The following HTT variants were observed in gnomAD, a reference collection of about 807,000 sequenced individuals.
The protein encoded by HTT is huntington disease protein.
Under a neutral mutation model 362.3 loss-of-function variants are expected in HTT, and 104 were observed. The ratio of observed to expected loss-of-function variants is 0.29; its 90% CI spans 0.24 to 0.34. The LOEUF (loss-of-function observed/expected upper bound fraction) is 0.34, where lower values mean the gene tolerates loss of function less well. HTT is among the 10% of genes least tolerant of loss of function. HTT has a pLI of 1.00. For missense variants in HTT, 3,301 were observed against 3,928.6 expected, an observed-to-expected ratio of 0.84 and a Z score of 4.27; for synonymous variants, 1,577 against 1,548.7, an observed-to-expected ratio of 1.02 and a Z score of -0.43.
chr4:3,226,219 C>A (rs898735423), intron 57 of HTT, among the ~76,000 whole-genome samples: 1 of 152,172 alleles, frequency 6.6e-6, no homozygotes, highest in African/African-American at 2.4e-5. Flanking sequence ...GTGGCCAGTT[C>A]TGGGTGGGAG....
intron 31 of HTT, among the ~76,000 whole-genome samples, chr4:3,174,519 G>A (rs560522700): frequency 1.8e-4 from 28 of 152,346 alleles, no homozygotes; most frequent in African/African-American, 6.3e-4. Flanking sequence ...TGGCTGTCAG[G>A]CAGCTGTAAA....
Position 3,242,403 on chromosome 4 carries a change from T to C in HTT, c.*2344T>C, listed in dbSNP as rs1332025385. 4 of 152,172 alleles carry C rather than the reference T, an allele frequency of 2.6e-5. No individual in the cohort carries two copies. Among genetic ancestry groups the C allele is most frequent in the African/African-American group, 9.7e-5 (4 of 41,412 alleles). 9.4% of individuals were successfully genotyped at this position (152,172 alleles called of 1,614,324 possible). ...CATATACATAAAGTATCCATGCATG[T>C]GCATATAGACACATCTATAATTTTA... is the stretch of plus-strand genomic sequence containing the variant. On this transcript the variant is annotated 3_prime_UTR_variant, in exon 67 of 67. Coordinates refer to ENST00000355072, the MANE Select transcript of HTT (RefSeq NM_001388492.1).
intron 12 of HTT, 139 bp from the exon 13 acceptor site, chr4:3,129,785 C>A: frequency 1.0e-6 from 1 of 990,872 alleles, no homozygotes; most frequent in Non-Finnish European, 1.6e-6. Flanking sequence ...CATTTCTGTG[C>A]CTTGAAATAA....
At chr4:3,116,495 C>G (rs1460494947) in intron 8 of HTT, among the ~76,000 whole-genome samples, 9 of 152,192 alleles carry the variant, frequency 5.9e-5, no homozygotes, top group Admixed American at 5.9e-4. Flanking sequence ...ACCTAAGCCT[C>G]TCAGAGACCA....
At chr4:3,234,831 A>G (rs988887492) in intron 61 of HTT, among the ~76,000 whole-genome samples, 26 of 152,126 alleles carry the variant, frequency 1.7e-4, no homozygotes, top group African/African-American at 6.3e-4. Context: ...GTCCCTGGCT[A>G]CCAGGTCCTC....
rs1272957292 is a variant in HTT, at chr4:3,134,413, A to C, written c.2506A>C (p.Ser836Arg). The change falls in exon 19 of 67, where the codon AGT (serine) becomes CGT (arginine). Residue 836 changes from serine (S) to arginine (R), a missense_variant. Ser to Arg is a moderately radical substitution (Grantham distance 110). Transcript: ENST00000355072. ...CCTTGTGTTCCAGAACTGTGTCATG[A>C]GTCTCTGCAGCAGCAGCTACAGTGA... ...ACTAVRNCVM[S>R]LCSSSYSELG... The C allele has an allele frequency of 6.2e-7, 1 of 1,613,716 alleles. No homozygotes were observed. Among genetic ancestry groups the C allele is most frequent in the African/African-American group, 1.3e-5 (1 of 74,894 alleles).
intron 18 of HTT, among the ~76,000 whole-genome samples, chr4:3,133,563 G>A (rs1388815313): frequency 1.3e-5 from 2 of 149,936 alleles, no homozygotes; most frequent in African/African-American, 4.9e-5. Flanking sequence ...TAGGCCCATA[G>A]TATGGTAAGA....
chr4:3,142,957 G>T (rs1716418461), intron 23 of HTT, 71 bp downstream of exon 23: 3 of 1,244,920 alleles, frequency 2.4e-6, no homozygotes, highest in Non-Finnish European at 3.5e-6. Flanking sequence ...CCAGTTAGTT[G>T]TATGGTCATC....
rs1427611565 is a variant in HTT, at chr4:3,121,218, C to G, written c.1069-10C>G. The G allele has an allele frequency of 4.4e-6, 7 of 1,607,580 alleles. No individual in the cohort carries two copies. Among genetic ancestry groups the G allele is most frequent in the Non-Finnish European group, 6.0e-6 (7 of 1,174,072 alleles). On this transcript the variant is annotated splice_polypyrimidine_tract_variant and intron_variant, in intron 8 of 66. Transcript: ENST00000355072. ...CTCTGACCAGAACACCTGTGTTTCT[C>G]TGTTTCTAGGTTTATGAACTGACGT... is the stretch of plus-strand genomic sequence containing the variant.
Position 3,228,677 on chromosome 4 carries a change from CGAGGAA to C in HTT, c.7917_7922del (p.Glu2642_Glu2643del), listed in dbSNP as rs940743694. 18 of 1,609,848 alleles carry C rather than the reference CGAGGAA, an allele frequency of 1.1e-5. No individual in the cohort carries two copies. Among genetic ancestry groups the C allele is most frequent in the Non-Finnish European group, 1.4e-5 (17 of 1,177,634 alleles). On this transcript the variant is annotated inframe_deletion, in exon 58 of 67. Coordinates refer to ENST00000355072, the MANE Select transcript of HTT (RefSeq NM_001388492.1). This position sits in a 1 kb window ranked among gnomAD's most constrained non-coding sequence, Gnocchi z 4.3. ...CACCCCTGAGGGAGGAGGAATGGGA[CGAGGAA>C]GAGGAGGAGGAGGCCGACGCCCCTG...
In HTT at chr4:3,160,393, G is replaced by C; in HGVS notation, c.3864+1G>C. ...GGCCACACTGCAGGACATTGGGAAG[G>C]TTTGTGTCTTGTTTTTTCTCCTTGG... is the stretch of plus-strand genomic sequence containing the variant. On this transcript the variant is annotated splice_donor_variant, in intron 29 of 66. Coordinates refer to ENST00000355072, the MANE Select transcript of HTT (RefSeq NM_001388492.1). LOFTEE classifies it high-confidence loss of function. The C allele has an allele frequency of 6.5e-7, 1 of 1,538,350 alleles. No individual in the cohort carries two copies. Among genetic ancestry groups the C allele is most frequent in the Non-Finnish European group, 8.8e-7 (1 of 1,133,888 alleles).
intron 2 of HTT, among the ~76,000 whole-genome samples, chr4:3,089,808 A>G (rs1713406695): frequency 6.6e-6 from 1 of 152,314 alleles, no homozygotes; most frequent in African/African-American, 2.4e-5. Flanking sequence ...ACATCTTAAG[A>G]TTGATTTGTG....
intron 42 of HTT, among the ~76,000 whole-genome samples, chr4:3,204,639 C>A (rs537915522): frequency 6.6e-6 from 1 of 152,112 alleles, no homozygotes; most frequent in Non-Finnish European, 1.5e-5. Context: ...CAAGCCTGGG[C>A]TATGGTGTGA....
rs1227643908 is a variant in HTT at position 3,209,901 on chromosome 4, G to A, written c.6366G>A (p.Leu2122=). The part of the protein sequence containing the change: ...SDSALLEGAE[L]VNRIPAEDMN... ...CTGCACTGCTGGAAGGTGCAGAGCT[G>A]GTGAATCGGATTCCTGCTGAAGATA... Residue 2122 remains leucine, a synonymous_variant, in exon 47 of 67, where the codon CTG becomes CTA. Coordinates refer to ENST00000355072, the MANE Select transcript of HTT (RefSeq NM_001388492.1). 1 of 1,614,142 alleles carries A rather than the reference G, an allele frequency of 6.2e-7. No individual in the cohort carries two copies.
rs1712435839 is a variant in HTT at position 3,075,035 on chromosome 4, G to C, written c.210G>C (p.Pro70=). The change falls in exon 1 of 67, where the codon CCG becomes CCC. Residue 70 remains proline, a synonymous_variant. Coordinates refer to ENST00000355072, the MANE Select transcript of HTT (RefSeq NM_001388492.1). ...PLLPQPQPPP[P]PPPPPPGPAV... The stretch of plus-strand genomic sequence containing the variant: ...TGCCTCAGCCGCAGCCGCCCCCGCC[G>C]CCGCCCCCGCCGCCACCCGGCCCGG... 3 of 1,247,064 alleles carry C rather than the reference G, an allele frequency of 2.4e-6. No individual in the cohort carries two copies. Among genetic ancestry groups the C allele is most frequent in the Non-Finnish European group, 3.0e-6 (3 of 1,002,032 alleles). 77.2% of individuals were successfully genotyped at this position (1,247,064 alleles called of 1,614,324 possible).
intron 8 of HTT, among the ~76,000 whole-genome samples, chr4:3,117,383 C>T (rs2110173653): frequency 6.6e-6 from 1 of 152,086 alleles, no homozygotes; most frequent in Middle Eastern, 3.4e-3. Context: ...GAATTCCACA[C>T]ATACAAAAGT....
At chr4:3,126,219 A>G (rs1283320814) in intron 11 of HTT, among the ~76,000 whole-genome samples, 5 of 151,744 alleles carry the variant, frequency 3.3e-5, no homozygotes, top group African/African-American at 1.2e-4. Flanking sequence ...CGCTTGGCTA[A>G]TTTTTGTATT....
At chr4:3,168,943 G>A (rs946387780) in intron 29 of HTT, among the ~76,000 whole-genome samples, 1 of 151,442 alleles carries the variant, frequency 6.6e-6, no homozygotes, top group African/African-American at 2.4e-5. Context: ...TTGTGCCTGG[G>A]TTTATTGAGG....
At chr4:3,138,543 A>G (rs1380960040) in intron 21 of HTT, among the ~76,000 whole-genome samples, 1 of 152,168 alleles carries the variant, frequency 6.6e-6, no homozygotes, top group African/African-American at 2.4e-5. Context: ...GATTCTTCTC[A>G]CCAGTACAAA....
Sources: allele counts gnomAD v4.1 joint callset (sites outside exome capture counted in the v4.1 genomes callset), GRCh38; gene constraint gnomAD v4.1.1; non-coding constraint Gnocchi (gnomAD v3.1); transcripts MANE v1.5; gene names NCBI Gene and HGNC (gene_info 2026-07-23, HGNC 2026-07-21).